AP3S1: variants seen among roughly 807,000 people sequenced by gnomAD.
AP3S1 encodes AP-3 complex subunit sigma-1.
Under a neutral mutation model 21.3 loss-of-function variants are expected in AP3S1, and 12 were observed. The observed-to-expected ratio is 0.56, with a 90% CI of 0.36 to 0.91. AP3S1 has a LOEUF of 0.91. Ranked by LOEUF, AP3S1 falls within the 40% of genes least tolerant of loss-of-function variation. The pLI is 0.01. For missense variants in AP3S1, 116 were observed against 225.0 expected, an observed-to-expected ratio of 0.52 and a Z score of 3.10; for synonymous variants, 48 against 78.4, an observed-to-expected ratio of 0.61 and a Z score of 2.05.
chr5:115,904,090 A>G lies in AP3S1; in HGVS notation c.453+1098A>G, dbSNP rs540525370. ...AAAACTTCATCTCAAAAAAAAAAAGAAAGATCAATAATTTTGATATCTCAT... is the reference window on the plus strand; with the variant it reads ...AAAACTTCATCTCAAAAAAAAAAAGGAAGATCAATAATTTTGATATCTCAT... On this transcript the variant is annotated intron_variant, in intron 5 of 5. Coordinates refer to ENST00000316788, the MANE Select transcript of AP3S1 (RefSeq NM_001284.4). 2.6e-5 allele frequency: 4 copies of G among 152,140 alleles called. No homozygotes were observed. The South Asian group carries it at 6.2e-4, about 24-fold the overall frequency. The allele number at this position is 152,140 out of a possible 1,614,324, so 9.4% of individuals were successfully genotyped here. A position where few individuals can be genotyped will look rare whatever the true frequency, so the allele number is the denominator to read the frequency against.
At chr5:115,906,979 C>G in intron 5 of AP3S1, 1 of 1,264,304 alleles carries the variant, frequency 7.9e-7, no homozygotes, top group Non-Finnish European at 9.9e-7. Context: ...CCATATAGTC[C>G]CTGTAGCCTA....
chr5:115,845,142 T>G (rs567098420), intron 1 of AP3S1, among the ~76,000 whole-genome samples: 15 of 152,336 alleles, frequency 9.8e-5, no homozygotes, highest in African/African-American at 3.6e-4. Flanking sequence ...TTAAGGGGTC[T>G]CTAAGAAGTA....
chr5:115,887,859 G>A (rs1472404692), intron 3 of AP3S1, among the ~76,000 whole-genome samples: 2 of 152,024 alleles, frequency 1.3e-5, no homozygotes, highest in Non-Finnish European at 2.9e-5. Context: ...GGATGTATAG[G>A]TTACTCTTTG....
chr5:115,876,886 C>A (rs1748768875), intron 3 of AP3S1, among the ~76,000 whole-genome samples: 1 of 152,084 alleles, frequency 6.6e-6, no homozygotes, highest in South Asian at 2.1e-4. Context: ...TATATGATGT[C>A]CATTTGTTCC....
rs143700066 is a variant in AP3S1 at position 115,891,471 on chromosome 5, A to G, written c.274-3616A>G. Reference sequence around the variant, plus strand: ...TGTGACCTGTACTTTTGATTGAGTGATGGTAAATTGGGATTCTTGTGACCC... The same window carrying G: ...TGTGACCTGTACTTTTGATTGAGTGGTGGTAAATTGGGATTCTTGTGACCC... On this transcript the variant is annotated intron_variant, in intron 3 of 5. Coordinates refer to ENST00000316788, the MANE Select transcript of AP3S1 (RefSeq NM_001284.4). Among the ~76,000 whole-genome samples, 599 of 152,272 alleles carry G rather than the reference A, an allele frequency of 3.9e-3. 1 individual carries two copies. Among genetic ancestry groups the G allele is most frequent in the African/African-American group, 0.014 (571 of 41,554 alleles).
chr5:115,901,573 G>A (rs1262908882), intron 4 of AP3S1, among the ~76,000 whole-genome samples: 1 of 144,118 alleles, frequency 6.9e-6, no homozygotes, highest in African/African-American at 2.6e-5. Context: ...TTTTTTAATT[G>A]AGGCAGGGTC....
chr5:115,842,871 T>G (rs1761732093), intron 1 of AP3S1, among the ~76,000 whole-genome samples: 1 of 152,268 alleles, frequency 6.6e-6, no homozygotes, highest in Admixed American at 6.5e-5. Flanking sequence ...GCTGTGGTTC[T>G]ATACCTAAAA....
chr5:115,881,087 G>A (rs1749240746), intron 3 of AP3S1, among the ~76,000 whole-genome samples: 1 of 151,620 alleles, frequency 6.6e-6, no homozygotes, highest in African/African-American at 2.4e-5. Context: ...TTGAGCCTGT[G>A]TGTGTCTTTG....
intron 3 of AP3S1, among the ~76,000 whole-genome samples, chr5:115,879,739 C>A (rs1452703493): frequency 1.3e-5 from 2 of 152,100 alleles, no homozygotes; most frequent in African/African-American, 4.8e-5. Context: ...AGGGAGGAGA[C>A]TCTCTTTTTC....
rs570260428 is a variant in AP3S1, at chr5:115,904,821, G to A, written c.453+1829G>A. Reference sequence around the variant, plus strand: ...TAAACATTGCTTTGCAAAACTGTATGGTTATAGATTTTAAATGCCAAGGGA... The same window carrying A: ...TAAACATTGCTTTGCAAAACTGTATAGTTATAGATTTTAAATGCCAAGGGA... On this transcript the variant is annotated intron_variant, in intron 5 of 5. Coordinates refer to ENST00000316788, the MANE Select transcript of AP3S1 (RefSeq NM_001284.4). Among the ~76,000 whole-genome samples the A allele has an allele frequency of 2.4e-4, 36 of 151,406 alleles. 1 individual carries two copies. The South Asian group carries it at 2.9e-3, about 12-fold the overall frequency.
chr5:115,912,763 T>C (rs1262267833), intron 5 of AP3S1, among the ~76,000 whole-genome samples: 1 of 152,108 alleles, frequency 6.6e-6, no homozygotes, highest in African/African-American at 2.4e-5. Context: ...AACTATATTC[T>C]TTGGATTGAG....
intron 1 of AP3S1, among the ~76,000 whole-genome samples, chr5:115,863,408 A>C (rs980600665): frequency 1.3e-4 from 20 of 151,622 alleles, no homozygotes; most frequent in Admixed American, 1.3e-3. Context: ...AAAAAATAAA[A>C]ATAAAAATAC....
At chr5:115,893,768 G>A (rs1258965278) in intron 3 of AP3S1, among the ~76,000 whole-genome samples, 5 of 152,144 alleles carry the variant, frequency 3.3e-5, no homozygotes, top group African/African-American at 1.2e-4. Flanking sequence ...ACTAGGGATA[G>A]TCCTGGTTTA....
chr5:115,889,878 T>A (rs1750134972), intron 3 of AP3S1, among the ~76,000 whole-genome samples: 1 of 152,014 alleles, frequency 6.6e-6, no homozygotes, highest in South Asian at 2.1e-4. Context: ...TGAAAATAGA[T>A]ATCTAAATGG....
chr5:115,906,171 C>T (rs1281675348), intron 5 of AP3S1, among the ~76,000 whole-genome samples: 2 of 151,810 alleles, frequency 1.3e-5, no homozygotes, highest in Non-Finnish European at 2.9e-5. Context: ...AACAAACACA[C>T]AAAAAAAGAC....
intron 4 of AP3S1, among the ~76,000 whole-genome samples, chr5:115,901,292 C>A (rs991888642): frequency 6.6e-6 from 1 of 151,666 alleles, no homozygotes; most frequent in Non-Finnish European, 1.5e-5. Flanking sequence ...AGCTGAGTAG[C>A]TTTGGATAAA....
intron 5 of AP3S1, 59 bp downstream of exon 5, chr5:115,903,051 G>A (rs1396399602): frequency 8.0e-6 from 10 of 1,245,910 alleles, no homozygotes; most frequent in Admixed American, 7.4e-5. Flanking sequence ...GATTACGCAT[G>A]ATTTGTAGTT....
At chr5:115,866,042 C>T (rs995913530) in intron 1 of AP3S1, among the ~76,000 whole-genome samples, 5 of 152,132 alleles carry the variant, frequency 3.3e-5, no homozygotes, top group Admixed American at 3.3e-4. Flanking sequence ...GTGATCCACC[C>T]ATCTCGGCCT....
intron 1 of AP3S1, chr5:115,853,128 C>A (rs186297620): frequency 2.1e-5 from 8 of 382,540 alleles, no homozygotes; most frequent in Non-Finnish European, 3.6e-5. Context: ...ATATCCTAAC[C>A]AACTCTTGTT....
Sources: allele counts gnomAD v4.1 joint callset (sites outside exome capture counted in the v4.1 genomes callset), GRCh38; gene constraint gnomAD v4.1.1; transcripts MANE v1.5; gene names NCBI Gene and HGNC (gene_info 2026-07-23, HGNC 2026-07-21).